Variants in GABRB3 observed in about 807,000 individuals in gnomAD.
The protein encoded by GABRB3 is gamma-aminobutyric acid type A receptor subunit beta3.
A neutral mutation model predicts 52.1 loss-of-function variants in GABRB3; 14 were observed. The ratio of observed to expected loss-of-function variants is 0.27; its 90% CI spans 0.18 to 0.42. The LOEUF is 0.42. Among genes scored for constraint, GABRB3 ranks in the 10% least tolerant of loss-of-function variants. GABRB3 has a pLI of 1.00. For synonymous variants in GABRB3, 260 were observed against 232.3 expected (o/e 1.12, Z -1.08); for missense variants, 307 against 609.1 (o/e 0.50, Z 5.22).
At position 26,629,248 on chromosome 15, in the gene GABRB3, T is replaced by C. The variant is rs12148310; in HGVS notation, c.241-7714A>G. On this transcript the variant is annotated intron_variant, in intron 3 of 8. Coordinates refer to ENST00000311550, the MANE Select transcript of GABRB3 (RefSeq NM_000814.6). ...TGGAAAGGAGGGCAGCGCGGAAGCT[T>C]GGCCCCGAGAGGGAGGAGGCGTGGT... The C allele has an allele frequency of 0.73, 959,148 of 1,322,654 alleles. 355,295 individuals carry two copies. Among genetic ancestry groups the C allele is most frequent in the East Asian group, 0.91 (34,337 of 37,550 alleles). The allele number at this position is 1,322,654 out of a possible 1,614,324, so 81.9% of individuals were successfully genotyped here.
At chr15:26,632,298 G>A (rs969738407) in intron 3 of GABRB3, among the ~76,000 whole-genome samples, 2 of 152,222 alleles carry the variant, frequency 1.3e-5, no homozygotes, top group Admixed American at 1.3e-4. Flanking sequence ...TATACCTGCC[G>A]AAAGGCAGAG....
At chr15:26,726,818 G>A (rs544793899) in intron 3 of GABRB3, among the ~76,000 whole-genome samples, 1 of 152,218 alleles carries the variant, frequency 6.6e-6, no homozygotes, top group Non-Finnish European at 1.5e-5. Flanking sequence ...CAATTAAGAG[G>A]CATTATGTGG....
intron 3 of GABRB3, among the ~76,000 whole-genome samples, chr15:26,753,907 A>G (rs1890586106): frequency 6.6e-6 from 1 of 152,162 alleles, no homozygotes; most frequent in African/African-American, 2.4e-5. Flanking sequence ...TTCCATAACT[A>G]TCAGCAAAGA....
At chr15:26,751,780 G>T (rs538589314) in intron 3 of GABRB3, among the ~76,000 whole-genome samples, 3 of 151,952 alleles carry the variant, frequency 2.0e-5, no homozygotes, top group East Asian at 3.9e-4. Context: ...TGTCAAATTT[G>T]TTCCTTTCCT....
intron 3 of GABRB3, among the ~76,000 whole-genome samples, chr15:26,711,713 G>C (rs900030096): frequency 6.6e-6 from 1 of 152,174 alleles, no homozygotes; most frequent in African/African-American, 2.4e-5. Context: ...TCTGGTTGCC[G>C]CTAGCATGGA....
At chr15:26,764,832 T>C (rs989899155) in intron 3 of GABRB3, among the ~76,000 whole-genome samples, 1 of 152,052 alleles carries the variant, frequency 6.6e-6, no homozygotes, top group African/African-American at 2.4e-5. Context: ...AGAATCCCTG[T>C]ATAAAAAGAA....
intron 3 of GABRB3, among the ~76,000 whole-genome samples, chr15:26,673,947 T>C (rs1225119193): frequency 6.6e-6 from 1 of 152,228 alleles, no homozygotes; most frequent in Non-Finnish European, 1.5e-5. Flanking sequence ...CTTAAAGATA[T>C]ATACGCCTAA....
chr15:26,714,834 T>G (rs1889416247), intron 3 of GABRB3, among the ~76,000 whole-genome samples: 1 of 152,182 alleles, frequency 6.6e-6, no homozygotes, highest in Non-Finnish European at 1.5e-5. Flanking sequence ...CACTCAGGAC[T>G]GTCTCAATGA....
At chr15:26,587,588 A>T (rs1423500145) in intron 4 of GABRB3, among the ~76,000 whole-genome samples, 2 of 152,106 alleles carry the variant, frequency 1.3e-5, no homozygotes, top group East Asian at 3.9e-4. Flanking sequence ...TGTTGCAGAA[A>T]TCATCGAATG....
chr15:26,568,159 G>C (rs764664908), intron 6 of GABRB3, among the ~76,000 whole-genome samples: 25 of 152,190 alleles, frequency 1.6e-4, no homozygotes, highest in African/African-American at 5.3e-4. Context: ...GTTCAGCCCT[G>C]AATACAGATG....
chr15:26,655,862 G>C (rs1273646194), intron 3 of GABRB3, among the ~76,000 whole-genome samples: 1 of 152,044 alleles, frequency 6.6e-6, no homozygotes, highest in Non-Finnish European at 1.5e-5. Flanking sequence ...ACAGACCAAA[G>C]AGAAAGCTCA....
intron 6 of GABRB3, among the ~76,000 whole-genome samples, 200 bp downstream of exon 6, chr15:26,580,119 C>T (rs973958817): frequency 2.0e-5 from 3 of 152,196 alleles, no homozygotes; most frequent in African/African-American, 4.8e-5. Context: ...GCATCTTCTT[C>T]TCAGGTGAGC....
chr15:26,676,803 C>T (rs1348925771), intron 3 of GABRB3, among the ~76,000 whole-genome samples: 3 of 152,198 alleles, frequency 2.0e-5, no homozygotes, highest in Non-Finnish European at 4.4e-5. Context: ...TCAAATAATA[C>T]TTTCAAGATA....
At chr15:26,653,037 G>A (rs1196977941) in intron 3 of GABRB3, among the ~76,000 whole-genome samples, 8 of 152,204 alleles carry the variant, frequency 5.3e-5, no homozygotes, top group Non-Finnish European at 8.8e-5. Flanking sequence ...TGACCTCACC[G>A]ACTCCATCTT....
chr15:26,718,437 G>C (rs990149528), intron 3 of GABRB3, among the ~76,000 whole-genome samples: 13 of 152,062 alleles, frequency 8.5e-5, no homozygotes, highest in African/African-American at 2.7e-4. Flanking sequence ...TCGAACTCCC[G>C]ACCTCAGGTG....
intron 4 of GABRB3, among the ~76,000 whole-genome samples, chr15:26,603,432 A>G (rs1484251520): frequency 6.6e-6 from 1 of 152,042 alleles, no homozygotes; most frequent in Non-Finnish European, 1.5e-5. Context: ...TGATACCAAA[A>G]CCAGAAAAAT....
chr15:26,675,431 C>T (rs1226527999), intron 3 of GABRB3, among the ~76,000 whole-genome samples: 1 of 152,056 alleles, frequency 6.6e-6, no homozygotes, highest in Non-Finnish European at 1.5e-5. Context: ...CCTTGTGTGT[C>T]TGTGTGTGTG....
chr15:26,575,427 A>G (rs1371051968), intron 6 of GABRB3, among the ~76,000 whole-genome samples: 1 of 152,202 alleles, frequency 6.6e-6, no homozygotes, highest in Non-Finnish European at 1.5e-5. Flanking sequence ...AAAGAAATAG[A>G]AATTTTTCTC....
chr15:26,675,213 CA>C (rs1169323910), intron 3 of GABRB3, among the ~76,000 whole-genome samples: 1 of 152,156 alleles, frequency 6.6e-6, no homozygotes, highest in Non-Finnish European at 1.5e-5. Context: ...TGAACAACAA[CA>C]AAACATGTTA....
Sources: gnomAD v4.1 joint callset for allele counts (sites outside exome capture counted in the v4.1 genomes callset) on GRCh38, gnomAD v4.1.1 for gene constraint, MANE v1.5 for transcripts, NCBI Gene and HGNC (gene_info 2026-07-23, HGNC 2026-07-21) for gene names.